SPECC1: variants seen among roughly 807,000 people sequenced by gnomAD.
SPECC1 encodes the protein cytospin-B.
In SPECC1, 62 loss-of-function variants were observed where a neutral mutation model predicts 104.1. The ratio of observed to expected loss-of-function variants is 0.60; its 90% CI spans 0.49 to 0.74. The LOEUF is 0.74. Among genes scored for constraint, SPECC1 ranks in the 30% least tolerant of loss-of-function variants. SPECC1 has a pLI of 0.00. For missense variants in SPECC1, 1,306 were observed against 1,310.5 expected (o/e 1.00, Z 0.05); for synonymous variants, 513 against 501.6 (o/e 1.02, Z -0.30).
chr17:20,263,571 A>G (rs1438535953), intron 12 of SPECC1, among the ~76,000 whole-genome samples: 1 of 152,128 alleles, frequency 6.6e-6, no homozygotes, highest in African/African-American at 2.4e-5. Context: ...AAGAAAAAAA[A>G]AGAATAAGAA....
chr17:20,306,239 C>T, intron 14 of SPECC1, 157 bp downstream of exon 14: 1 of 571,114 alleles, frequency 1.8e-6, no homozygotes, highest in Admixed American at 3.5e-5. Context: ...GATATAATCA[C>T]ATATCAACAT....
chr17:20,199,647 C>G (rs1009674632), intron 3 of SPECC1, among the ~76,000 whole-genome samples: 2 of 151,798 alleles, frequency 1.3e-5, no homozygotes, highest in African/African-American at 4.8e-5. Flanking sequence ...TCTAGTGATC[C>G]TACTGCCTTG....
chr17:20,257,685 G>T lies in SPECC1; in HGVS notation c.2837+78G>T, dbSNP rs533669250. 65 of 1,543,274 alleles carry T rather than the reference G, an allele frequency of 4.2e-5. No homozygotes were observed. In the South Asian group the frequency reaches 6.8e-4, roughly 16 times the overall value. On this transcript the variant is annotated intron_variant, in intron 11 of 14. Transcript: ENST00000395527. ...TTATTCTTCCTTCCGTTTTGTCCCC[G>T]TGGCCAATTTACTTCTACAAATATT...
At chr17:20,174,563 C>T (rs533653020) in intron 3 of SPECC1, among the ~76,000 whole-genome samples, 1 of 152,034 alleles carries the variant, frequency 6.6e-6, no homozygotes, top group East Asian at 2.0e-4. Flanking sequence ...TGGAATGGGC[C>T]TTCACCGTGT....
intron 3 of SPECC1, among the ~76,000 whole-genome samples, chr17:20,118,821 CT>C (rs2048888460): frequency 1.3e-5 from 2 of 151,898 alleles, no homozygotes; most frequent in Admixed American, 6.6e-5. Context: ...ATAAACTAAA[CT>C]TTTTTTTGCC....
At chr17:20,021,689 TATATATA>T (rs1567797481) in intron 1 of SPECC1, among the ~76,000 whole-genome samples, 2,171 of 121,984 alleles carry the variant, frequency 0.018, 63 homozygotes, top group African/African-American at 0.067. Context: ...TAATAATATA[TATATATA>T]TATATATTTT....
At chr17:20,083,213 T>C (rs1379213885) in intron 1 of SPECC1, among the ~76,000 whole-genome samples, 1 of 152,174 alleles carries the variant, frequency 6.6e-6, no homozygotes, top group Non-Finnish European at 1.5e-5. Flanking sequence ...GCAGAAGGGG[T>C]CTGAATGCCA....
intron 12 of SPECC1, among the ~76,000 whole-genome samples, chr17:20,278,016 C>T (rs2040630774): frequency 6.6e-6 from 1 of 152,126 alleles, no homozygotes; most frequent in African/African-American, 2.4e-5. Flanking sequence ...GCTGGGAGAT[C>T]GCCTGCTACC....
chr17:20,169,922 T>A (rs570231615), intron 3 of SPECC1, among the ~76,000 whole-genome samples: 122 of 152,336 alleles, frequency 8.0e-4, no homozygotes, highest in African/African-American at 2.6e-3. Context: ...CTTACAAAAA[T>A]TTTTTATATG....
chr17:20,298,672 A>T (rs1002400451), intron 13 of SPECC1, among the ~76,000 whole-genome samples: 2 of 152,122 alleles, frequency 1.3e-5, no homozygotes, highest in Admixed American at 6.5e-5. Context: ...AGACAGAATC[A>T]ACTGGATTTA....
intron 3 of SPECC1, among the ~76,000 whole-genome samples, chr17:20,114,413 A>C (rs2048650787): frequency 6.6e-6 from 1 of 151,658 alleles, no homozygotes; most frequent in African/African-American, 2.4e-5. Flanking sequence ...GATGGTCTTG[A>C]TCTACTGACC....
chr17:20,155,989 G>C (rs1467076124), intron 3 of SPECC1: 57 of 1,272,956 alleles, frequency 4.5e-5, no homozygotes, highest in Non-Finnish European at 5.6e-5. Context: ...GGGCGGGCTT[G>C]ATGCAGATGA....
intron 1 of SPECC1, among the ~76,000 whole-genome samples, chr17:20,078,681 C>T (rs1035794988): frequency 6.6e-6 from 1 of 152,084 alleles, no homozygotes; most frequent in Non-Finnish European, 1.5e-5. Context: ...AAACACTGTA[C>T]ATGTTTTTAA....
At chr17:20,157,205 G>A (rs1411308998) in intron 3 of SPECC1, among the ~76,000 whole-genome samples, 1 of 152,074 alleles carries the variant, frequency 6.6e-6, no homozygotes, top group African/African-American at 2.4e-5. Flanking sequence ...ATCTCCCAGC[G>A]CCCCAGCCGC....
chr17:20,236,982 C>CT (rs1245719905), intron 7 of SPECC1: 1 of 1,580,890 alleles, frequency 6.3e-7, no homozygotes, highest in Non-Finnish European at 8.5e-7. Context: ...GAAATTGCCT[C>CT]TTTATAAAGA....
At chr17:20,221,113 C>G (rs1280992403) in intron 4 of SPECC1, among the ~76,000 whole-genome samples, 3 of 152,006 alleles carry the variant, frequency 2.0e-5, no homozygotes, top group Non-Finnish European at 1.5e-5. Context: ...GGATATTGGC[C>G]TATAGTTTTC....
chr17:20,164,827 G>A (rs576791894), intron 3 of SPECC1, among the ~76,000 whole-genome samples: 6 of 152,202 alleles, frequency 3.9e-5, no homozygotes, highest in African/African-American at 1.4e-4. Context: ...CATTTAATTT[G>A]TGTAGCTTCT....
intron 13 of SPECC1, among the ~76,000 whole-genome samples, chr17:20,298,177 C>T (rs1300986069): frequency 6.6e-6 from 1 of 152,104 alleles, no homozygotes; most frequent in Non-Finnish European, 1.5e-5. Flanking sequence ...CATGGTGAAA[C>T]TCCATCTCTA....
At chr17:20,081,876 G>T (rs1399616406) in intron 1 of SPECC1, among the ~76,000 whole-genome samples, 28 of 152,084 alleles carry the variant, frequency 1.8e-4, no homozygotes, top group Admixed American at 1.8e-3. Flanking sequence ...CACCCCAGGA[G>T]CCCCTGGGGC....
Sources: allele counts gnomAD v4.1 joint callset (sites outside exome capture counted in the v4.1 genomes callset), GRCh38; gene constraint gnomAD v4.1.1; transcripts MANE v1.5; gene names NCBI Gene and HGNC (gene_info 2026-07-23, HGNC 2026-07-21).